ZFPM2: variants seen among roughly 807,000 people sequenced by gnomAD.
ZFPM2 encodes the protein zinc finger protein, FOG family member 2.
A neutral mutation model predicts 98.6 loss-of-function variants in ZFPM2; 20 were observed. That is an observed-to-expected ratio of 0.20 (90% confidence interval 0.14 to 0.29). The LOEUF (loss-of-function observed/expected upper bound fraction) is 0.29, where lower values mean the gene tolerates loss of function less well. Among genes scored for constraint, ZFPM2 ranks in the 10% least tolerant of loss-of-function variants. The pLI is 1.00. For missense variants in ZFPM2, 1,310 were observed against 1,388.6 expected (o/e 0.94, Z 0.90); for synonymous variants, 518 against 502.7 (o/e 1.03, Z -0.41).
At chr8:105,515,531 C>T (rs7828666) in intron 3 of ZFPM2, among the ~76,000 whole-genome samples, 6,027 of 152,168 alleles carry the variant, frequency 0.04, 404 homozygotes, top group African/African-American at 0.14. Context: ...GTTTTAGATT[C>T]CTAGGCCAAG....
intron 3 of ZFPM2, among the ~76,000 whole-genome samples, chr8:105,555,269 G>A (rs1022052949): frequency 1.3e-5 from 2 of 152,092 alleles, no homozygotes; most frequent in Non-Finnish European, 2.9e-5. Context: ...TAAAAAATCA[G>A]GCTTCTTTTT....
At position 105,561,332 on chromosome 8, in the gene ZFPM2, A is replaced by G. The variant is rs570663197; in HGVS notation, c.302-31A>G. 9.0e-6 allele frequency: 14 copies of G among 1,561,386 alleles called. No individual in the cohort carries two copies. In the South Asian group the frequency reaches 1.2e-4, roughly 14 times the overall value. On this transcript the variant is annotated intron_variant, in intron 3 of 7. Transcript: ENST00000407775. ...GGCTGCTGATAAAGTACAAGTAAGT[A>G]TTCTAAACACTTCTGTTCCTTTGTC...
At chr8:105,474,013 A>G (rs1161053908) in intron 3 of ZFPM2, among the ~76,000 whole-genome samples, 2 of 152,212 alleles carry the variant, frequency 1.3e-5, no homozygotes, top group African/African-American at 4.8e-5. Flanking sequence ...CTACCCTGCC[A>G]TATGGCAGTT....
At chr8:105,415,054 A>C (rs753625390) in intron 1 of ZFPM2, 1 of 152,110 alleles carries the variant, frequency 6.6e-6, no homozygotes, top group Non-Finnish European at 1.5e-5. Flanking sequence ...TTCTCTCCAG[A>C]GTGCAAAGGT....
At chr8:105,403,805 T>C (rs994103075) in intron 1 of ZFPM2, among the ~76,000 whole-genome samples, 1 of 152,074 alleles carries the variant, frequency 6.6e-6, no homozygotes, top group Non-Finnish European at 1.5e-5. Context: ...AAAGTTAGGA[T>C]GACTCAGCGT....
chr8:105,413,629 A>G (rs1188956166), intron 1 of ZFPM2, among the ~76,000 whole-genome samples: 1 of 151,280 alleles, frequency 6.6e-6, no homozygotes, highest in African/African-American at 2.4e-5. Flanking sequence ...TTGCCTGTCC[A>G]TTCCTTTGTG....
chr8:105,742,542 A>G (rs149974738), intron 5 of ZFPM2, among the ~76,000 whole-genome samples: 81 of 152,000 alleles, frequency 5.3e-4, no homozygotes, highest in African/African-American at 1.9e-3. Flanking sequence ...GTGGTTGTAG[A>G]TAGGGTAGAA....
intron 5 of ZFPM2, among the ~76,000 whole-genome samples, chr8:105,647,824 A>G (rs11993239): frequency 0.74 from 112,813 of 151,812 alleles, 42,060 homozygotes; most frequent in Middle Eastern, 0.83. Context: ...TGTGAATAGC[A>G]CCACAATAAA....
chr8:105,494,948 T>C (rs750292367), intron 3 of ZFPM2, among the ~76,000 whole-genome samples: 24 of 152,232 alleles, frequency 1.6e-4, no homozygotes, highest in Non-Finnish European at 3.4e-4. Flanking sequence ...TTTGTGGACA[T>C]AGAAATTTGA....
At position 105,512,671 on chromosome 8, in the gene ZFPM2, A is replaced by C. The variant is rs113004332; in HGVS notation, c.302-48692A>C. Among the ~76,000 whole-genome samples, 977 of 152,292 alleles carry C rather than the reference A, an allele frequency of 6.4e-3. 8 individuals are homozygous for C. The highest frequency in any genetic ancestry group is 0.022 in the African/African-American group (901 of 41,564). On this transcript the variant is annotated intron_variant, in intron 3 of 7. Transcript: ENST00000407775. ...TGCAGAGAGAGAAATAAGCCCTTAAAAATTTCAATGATTTAATATGCATGG... is the reference window on the plus strand; with the variant it reads ...TGCAGAGAGAGAAATAAGCCCTTAACAATTTCAATGATTTAATATGCATGG...
intron 1 of ZFPM2, among the ~76,000 whole-genome samples, chr8:105,413,115 A>T (rs2130047187): frequency 6.6e-6 from 1 of 151,938 alleles, no homozygotes; most frequent in East Asian, 1.9e-4. Context: ...CGTACAGAAC[A>T]TATCATACTA....
chr8:105,720,226 T>C (rs1811628438), intron 5 of ZFPM2, among the ~76,000 whole-genome samples: 2 of 151,862 alleles, frequency 1.3e-5, no homozygotes, highest in South Asian at 4.1e-4. Context: ...ACGATTCTGC[T>C]CATGTCCTTA....
intron 5 of ZFPM2, among the ~76,000 whole-genome samples, chr8:105,691,712 C>T (rs532982931): frequency 2.0e-5 from 3 of 152,284 alleles, no homozygotes; most frequent in Non-Finnish European, 2.9e-5. Flanking sequence ...TTGTGTATCT[C>T]TTCCCATGGA....
intron 1 of ZFPM2, among the ~76,000 whole-genome samples, chr8:105,346,624 C>T (rs1812542714): frequency 6.6e-6 from 1 of 152,160 alleles, no homozygotes; most frequent in African/African-American, 2.4e-5. Context: ...GCTAAGGACT[C>T]TGTTAGGCAC....
At position 105,441,457 on chromosome 8, in the gene ZFPM2, A is replaced by G. The variant is rs1563659920; in HGVS notation, c.200-2823A>G. Among the ~76,000 whole-genome samples the G allele has an allele frequency of 1.6e-4, 13 of 81,896 alleles. 1 individual carries two copies. Among genetic ancestry groups the G allele is most frequent in the African/African-American group, 6.7e-4 (13 of 19,540 alleles). The allele number at this position is 81,896 out of a possible 152,430, so 53.7% of individuals were successfully genotyped here. ...GAAAGAGAGAGAGAGAGAGAGAGAA[A>G]GAAAGAAAGAAAGAAAGAAAGAAAG... On this transcript the variant is annotated intron_variant, in intron 2 of 7. Coordinates refer to ENST00000407775, the MANE Select transcript of ZFPM2 (RefSeq NM_012082.4).
At chr8:105,741,979 C>T (rs541408086) in intron 5 of ZFPM2, among the ~76,000 whole-genome samples, 6 of 151,988 alleles carry the variant, frequency 3.9e-5, no homozygotes, top group East Asian at 2.0e-4. Flanking sequence ...TAGGGATATG[C>T]GGAGGTGAAG....
intron 5 of ZFPM2, among the ~76,000 whole-genome samples, chr8:105,757,425 A>G (rs1242240476): frequency 1.3e-5 from 2 of 152,186 alleles, no homozygotes; most frequent in Non-Finnish European, 2.9e-5. Flanking sequence ...TTAATTTCCT[A>G]TATTAAAGGG....
chr8:105,389,174 G>T (rs1311713529), intron 1 of ZFPM2, among the ~76,000 whole-genome samples: 3 of 151,914 alleles, frequency 2.0e-5, no homozygotes, highest in Non-Finnish European at 4.4e-5. Context: ...TGTAGGAGAA[G>T]GCCTAAGGCG....
intron 1 of ZFPM2, among the ~76,000 whole-genome samples, chr8:105,323,544 G>A (rs537968511): frequency 6.6e-6 from 1 of 151,952 alleles, no homozygotes; most frequent in South Asian, 2.1e-4. Context: ...AGATAGAATA[G>A]TACCTATTGC....
Sources: allele counts gnomAD v4.1 joint callset (sites outside exome capture counted in the v4.1 genomes callset), GRCh38; gene constraint gnomAD v4.1.1; transcripts MANE v1.5; gene names NCBI Gene and HGNC (gene_info 2026-07-23, HGNC 2026-07-21).